The following RNF145 variants were observed in gnomAD, a reference collection of about 807,000 sequenced individuals.
RNF145 encodes the protein ring finger protein 145.
Under a neutral mutation model 57.3 loss-of-function variants are expected in RNF145, and 12 were observed. The ratio of observed to expected loss-of-function variants is 0.21; its 90% CI spans 0.13 to 0.34. RNF145 has a LOEUF of 0.34. Among genes scored for constraint, RNF145 ranks in the 10% least tolerant of loss-of-function variants. RNF145 has a pLI of 1.00. For synonymous variants in RNF145, 262 were observed against 288.3 expected, an observed-to-expected ratio of 0.91 and a Z score of 0.92; for missense variants, 429 against 799.0, an observed-to-expected ratio of 0.54 and a Z score of 5.58.
chr5:159,165,098 T>C (rs1385981728), intron 8 of RNF145, among the ~76,000 whole-genome samples: 1 of 152,240 alleles, frequency 6.6e-6, no homozygotes, highest in Non-Finnish European at 1.5e-5. Context: ...CATTTGTCTG[T>C]GCATGTCCCT....
At chr5:159,192,273 C>T (rs1785315264) in intron 3 of RNF145, among the ~76,000 whole-genome samples, 1 of 151,998 alleles carries the variant, frequency 6.6e-6, no homozygotes. Flanking sequence ...TCAGGAGGTC[C>T]TAGAATCAAA....
At chr5:159,161,731 C>A in intron 9 of RNF145, 109 bp from the exon 10 acceptor site, 6 of 640,462 alleles carry the variant, frequency 9.4e-6, no homozygotes, top group Non-Finnish European at 1.1e-5. Context: ...TGCAATATTT[C>A]AAATATACAG....
At chr5:159,194,400 G>A (rs551732616) in intron 3 of RNF145, among the ~76,000 whole-genome samples, 3 of 152,210 alleles carry the variant, frequency 2.0e-5, no homozygotes, top group East Asian at 1.9e-4. Flanking sequence ...CCGAACTCCT[G>A]ACCTGAGGTG....
rs957350821 is a variant in RNF145 at position 159,186,131 on chromosome 5, G to T, written c.294-4080C>A. On this transcript the variant is annotated intron_variant, in intron 3 of 10. Coordinates refer to ENST00000424310, the MANE Select transcript of RNF145 (RefSeq NM_001199383.2). ...TCCCGGCTACTTGGGAGGCTGAGGC[G>T]GGAGAATTGTGTGGACCTGGTAGGG... Among the ~76,000 whole-genome samples the T allele has an allele frequency of 2.8e-4, 42 of 152,132 alleles. 1 individual carries two copies. Among genetic ancestry groups the T allele is most frequent in the Admixed American group, 7.9e-4 (12 of 15,278 alleles).
At chr5:159,193,796 CCCAAAAT>C (rs1463103560) in intron 3 of RNF145, among the ~76,000 whole-genome samples, 1 of 152,038 alleles carries the variant, frequency 6.6e-6, no homozygotes, top group African/African-American at 2.4e-5. Context: ...TTTCAACTAC[CCCAAAAT>C]CTGTTTCAGA....
intron 2 of RNF145, among the ~76,000 whole-genome samples, chr5:159,202,236 A>C (rs1785694324): frequency 6.6e-6 from 1 of 152,192 alleles, no homozygotes; most frequent in South Asian, 2.1e-4. Context: ...CACATTTTTA[A>C]AACCACAGTA....
intron 6 of RNF145, among the ~76,000 whole-genome samples, chr5:159,170,768 C>T (rs1018140368): frequency 6.6e-6 from 1 of 152,156 alleles, no homozygotes; most frequent in African/African-American, 2.4e-5. Flanking sequence ...CTAATTTATT[C>T]TTTATACAGA....
intron 1 of RNF145, chr5:159,207,451 AG>A: frequency 2.0e-6 from 3 of 1,470,322 alleles, no homozygotes; most frequent in Non-Finnish European, 2.8e-6. Context: ...CCCCTAAAAA[AG>A]AAAAACAAAA....
intron 3 of RNF145, among the ~76,000 whole-genome samples, chr5:159,187,074 AG>A (rs1297704492): frequency 6.6e-6 from 1 of 151,926 alleles, no homozygotes; most frequent in Non-Finnish European, 1.5e-5. Context: ...TGAGGTCAGG[AG>A]TTCAAGAACA....
chr5:159,207,955 T>G, intron 1 of RNF145: 1 of 1,600,636 alleles, frequency 6.2e-7, no homozygotes, highest in South Asian at 1.1e-5. Flanking sequence ...TGGGCATGAT[T>G]CAAGATTCAG....
rs745403232 is a variant in RNF145 at position 159,174,144 on chromosome 5, A to G, written c.636T>C (p.Tyr212=). Residue 212 remains tyrosine, a synonymous_variant, in exon 6 of 11, where the codon TAT becomes TAC. Coordinates refer to ENST00000424310, the MANE Select transcript of RNF145 (RefSeq NM_001199383.2). ...GGGACATTCCCAAGGCGAGAAGGCC[A>G]TATACCTCCACTACCTAAATAAAAA... The part of the protein sequence containing the change: ...YRELVQVVEV[Y]GLLALGMSLW... 4 of 1,609,186 alleles carry G rather than the reference A, an allele frequency of 2.5e-6. No individual in the cohort carries two copies. The Admixed American group carries it at 6.8e-5, about 27-fold the overall frequency.
At chr5:159,199,900 GA>G (rs1296088923) in intron 2 of RNF145, among the ~76,000 whole-genome samples, 1 of 152,104 alleles carries the variant, frequency 6.6e-6, no homozygotes, top group African/African-American at 2.4e-5. Context: ...TAAGTTTGAA[GA>G]CACAATTACA....
chr5:159,160,187 G>A (rs1353103440), intron 10 of RNF145, among the ~76,000 whole-genome samples: 1 of 152,108 alleles, frequency 6.6e-6, no homozygotes, highest in Non-Finnish European at 1.5e-5. Flanking sequence ...GCACAAAAGA[G>A]CTAGGGTTCA....
At chr5:159,162,911 G>A in intron 9 of RNF145, 21 bp downstream of exon 9, 1 of 1,570,590 alleles carries the variant, frequency 6.4e-7, no homozygotes, top group Non-Finnish European at 8.6e-7. Flanking sequence ...ATTATATAGA[G>A]TTAATTAATC....
At chr5:159,176,308 G>A (rs749525765) in intron 5 of RNF145, among the ~76,000 whole-genome samples, 2 of 152,046 alleles carry the variant, frequency 1.3e-5, no homozygotes, top group Non-Finnish European at 2.9e-5. Context: ...AGAACTCTAT[G>A]AGGAAAGCAC....
chr5:159,176,989 C>T (rs1355732680), intron 4 of RNF145, 122 bp from the exon 5 acceptor site: 6 of 590,224 alleles, frequency 1.0e-5, no homozygotes, highest in East Asian at 2.9e-5. Flanking sequence ...ACTAAAATCT[C>T]GTAGATAATA....
intron 2 of RNF145, among the ~76,000 whole-genome samples, chr5:159,201,002 C>T (rs1345762569): frequency 6.6e-6 from 1 of 152,158 alleles, no homozygotes; most frequent in Non-Finnish European, 1.5e-5. Flanking sequence ...CTCTCAACCA[C>T]GGTTTTTGGA....
chr5:159,172,981 G>T (rs1784603655), intron 6 of RNF145, among the ~76,000 whole-genome samples: 1 of 152,188 alleles, frequency 6.6e-6, no homozygotes, highest in Admixed American at 6.5e-5. Context: ...TAGATTCTGA[G>T]AATGTGAGAT....
Position 159,167,304 on chromosome 5 carries a change from G to A in RNF145, c.1121+1569C>T, listed in dbSNP as rs146497327. On this transcript the variant is annotated intron_variant, in intron 8 of 10. Coordinates refer to ENST00000424310, the MANE Select transcript of RNF145 (RefSeq NM_001199383.2). Reference sequence around the variant, plus strand: ...TCTCCCGCCTCAGGTTAATGCAGCCGCAGCCACAAGGAATAACACAGACAC... The same window carrying A: ...TCTCCCGCCTCAGGTTAATGCAGCCACAGCCACAAGGAATAACACAGACAC... Among the ~76,000 whole-genome samples the A allele has an allele frequency of 2.9e-3, 443 of 152,198 alleles. 1 individual carries two copies. Among genetic ancestry groups the A allele is most frequent in the Non-Finnish European group, 5.3e-3 (360 of 68,008 alleles).
Sources: allele counts gnomAD v4.1 joint callset (sites outside exome capture counted in the v4.1 genomes callset), GRCh38; gene constraint gnomAD v4.1.1; transcripts MANE v1.5; gene names NCBI Gene and HGNC (gene_info 2026-07-23, HGNC 2026-07-21).